The following SORCS2 variants were observed in gnomAD, a reference collection of about 807,000 sequenced individuals.
SORCS2 encodes sortilin related VPS10 domain containing receptor 2.
In SORCS2, 100 loss-of-function variants were observed where a neutral mutation model predicts 141.6. The ratio of observed to expected loss-of-function variants is 0.71; its 90% CI spans 0.60 to 0.83. SORCS2 has a LOEUF of 0.83. SORCS2 is among the 40% of genes least tolerant of loss of function. The probability of loss-of-function intolerance (pLI) is 0.00; values close to 1 mark genes in which losing one functional copy is unlikely to be tolerated. For missense variants in SORCS2, 1,646 were observed against 1,560.2 expected (o/e 1.05, Z -0.93); for synonymous variants, 789 against 676.9 (o/e 1.17, Z -2.57).
chr4:7,711,696 A>C (rs1430393456), intron 14 of SORCS2, among the ~76,000 whole-genome samples: 5 of 152,214 alleles, frequency 3.3e-5, no homozygotes, highest in Admixed American at 3.3e-4. Context: ...TGCTGACTGC[A>C]AGGAGGGAGA....
At position 7,615,767 on chromosome 4, in the gene SORCS2, AC is replaced by A. The variant is rs199636859; in HGVS notation, c.649-22560del. The stretch of plus-strand genomic sequence containing the variant: ...AGCTTCCCTCTTCACGGTGCTCATC[AC>A]TTAACAGTAGACAGCAAGGAGCCTC... On this transcript the variant is annotated intron_variant, in intron 3 of 26. Coordinates refer to ENST00000507866, the MANE Select transcript of SORCS2 (RefSeq NM_020777.3). Among the ~76,000 whole-genome samples, 443 of 137,972 alleles carry A rather than the reference AC, an allele frequency of 3.2e-3. 2 individuals carry two copies. Among genetic ancestry groups the A allele is most frequent in the African/African-American group, 0.012 (425 of 35,258 alleles). The allele number at this position is 137,972 out of a possible 152,430, so 90.5% of individuals were successfully genotyped here.
At chr4:7,289,850 A>G (rs1002021645) in intron 1 of SORCS2, among the ~76,000 whole-genome samples, 2 of 152,164 alleles carry the variant, frequency 1.3e-5, no homozygotes, top group African/African-American at 4.8e-5. Context: ...GAGACGCTGC[A>G]GGGCCTCCCC....
intron 3 of SORCS2, among the ~76,000 whole-genome samples, chr4:7,587,181 A>C (rs976777100): frequency 1.3e-5 from 2 of 151,942 alleles, no homozygotes; most frequent in Admixed American, 6.6e-5. Flanking sequence ...CAGTTGTCTG[A>C]TGTGGAGTTT....
intron 3 of SORCS2, among the ~76,000 whole-genome samples, chr4:7,621,415 TTGTGTG>T (rs59645194): frequency 1.3e-5 from 2 of 149,268 alleles, no homozygotes; most frequent in African/African-American, 2.5e-5. Flanking sequence ...GTGTGCATGT[TTGTGTG>T]TGTGTGTGAG....
intron 1 of SORCS2, among the ~76,000 whole-genome samples, chr4:7,216,221 C>T (rs1230584497): frequency 1.3e-5 from 2 of 152,164 alleles, no homozygotes; most frequent in East Asian, 3.9e-4. Flanking sequence ...TCAGTGAGAC[C>T]AAGAACCCAC....
intron 3 of SORCS2, among the ~76,000 whole-genome samples, chr4:7,562,875 A>G (rs1478916156): frequency 1.3e-5 from 2 of 152,190 alleles, no homozygotes; most frequent in Non-Finnish European, 2.9e-5. Context: ...CCTGCTTCTT[A>G]TAAGAACACA....
Position 7,714,299 on chromosome 4 carries a change from G to T in SORCS2, c.2049G>T (p.Trp683Cys). 4 of 1,604,862 alleles carry T rather than the reference G, an allele frequency of 2.5e-6. No homozygotes were observed. The highest frequency in any genetic ancestry group is 3.4e-6 in the Non-Finnish European group (4 of 1,175,736). Residue 683 changes from tryptophan (W) to cysteine (C), a missense_variant, in exon 16 of 27, where the codon TGG becomes TGT. By Grantham distance (215) the Trp-to-Cys change is radical. Coordinates refer to ENST00000507866, the MANE Select transcript of SORCS2 (RefSeq NM_020777.3). ...TCCGGAAAAGAAAGTCCACGTCCTG[G>T]TGCATCAAGGGGAGGAGCTTCACGT... is the stretch of plus-strand genomic sequence containing the variant. ...RSFRKRKSTSWCIKGRSFTSA... is the reference protein window; with the variant it reads ...RSFRKRKSTSCCIKGRSFTSA...
At chr4:7,737,320 GC>G in intron 26 of SORCS2, 148 bp downstream of exon 26, 1 of 1,119,086 alleles carries the variant, frequency 8.9e-7, no homozygotes, top group Non-Finnish European at 1.2e-6. Context: ...GGTCGGTCGG[GC>G]CCACTGTGTC....
intron 2 of SORCS2, among the ~76,000 whole-genome samples, chr4:7,501,548 C>T (rs921811919): frequency 1.3e-5 from 2 of 152,154 alleles, no homozygotes; most frequent in African/African-American, 4.8e-5. Context: ...AGCCTCCTGG[C>T]TTAGCACTTT....
At chr4:7,249,495 A>G (rs1420611952) in intron 1 of SORCS2, among the ~76,000 whole-genome samples, 2 of 152,168 alleles carry the variant, frequency 1.3e-5, no homozygotes, top group African/African-American at 4.8e-5. Flanking sequence ...GAGGGGACAT[A>G]TTCACCTTTT....
At chr4:7,238,347 T>C (rs999658342) in intron 1 of SORCS2, among the ~76,000 whole-genome samples, 1 of 152,216 alleles carries the variant, frequency 6.6e-6, no homozygotes, top group African/African-American at 2.4e-5. Flanking sequence ...TGCTTTTTGC[T>C]GTGCAGAAAG....
At chr4:7,526,699 C>T (rs1560357349) in intron 2 of SORCS2, among the ~76,000 whole-genome samples, 1 of 152,174 alleles carries the variant, frequency 6.6e-6, no homozygotes, top group Non-Finnish European at 1.5e-5. Flanking sequence ...GGCGGCCTCC[C>T]TCACTGATTG....
At chr4:7,314,138 C>G (rs1718382746) in intron 1 of SORCS2, among the ~76,000 whole-genome samples, 1 of 152,136 alleles carries the variant, frequency 6.6e-6, no homozygotes, top group South Asian at 2.1e-4. Flanking sequence ...TCCTCCCTGC[C>G]TCTGTGCCGT....
chr4:7,254,619 G>T (rs1449561830), intron 1 of SORCS2, among the ~76,000 whole-genome samples: 1 of 152,144 alleles, frequency 6.6e-6, no homozygotes, highest in Non-Finnish European at 1.5e-5. Context: ...TAACAAAATT[G>T]CACATGTGCC....
intron 1 of SORCS2, among the ~76,000 whole-genome samples, chr4:7,372,864 G>T (rs910978155): frequency 1.3e-5 from 2 of 152,096 alleles, no homozygotes; most frequent in African/African-American, 2.4e-5. Context: ...CCGCAGTCCT[G>T]TTGTGATTTG....
rs1560115712 is a variant in SORCS2 at position 7,725,301 on chromosome 4, G to A, written c.2745+14G>A. ...CACAGCCTGCAGGTGCGCTGGCTTT[G>A]CCCCAACTCAGCCCTTCTTCCCGCA... On this transcript the variant is annotated intron_variant, in intron 20 of 26. Transcript: ENST00000507866. 5.0e-6 allele frequency: 8 copies of A among 1,610,002 alleles called. No homozygotes were observed. The highest frequency in any genetic ancestry group is 6.8e-6 in the Non-Finnish European group (8 of 1,178,230).
chr4:7,415,628 T>A (rs1725616381), intron 2 of SORCS2, among the ~76,000 whole-genome samples: 1 of 152,256 alleles, frequency 6.6e-6, no homozygotes, highest in Admixed American at 6.5e-5. Flanking sequence ...CATTAGGATG[T>A]GGACCTGTTT....
At chr4:7,508,406 A>G (rs1288605692) in intron 2 of SORCS2, among the ~76,000 whole-genome samples, 1 of 138,668 alleles carries the variant, frequency 7.2e-6, no homozygotes, top group South Asian at 2.3e-4. Context: ...GCTGGAGTAC[A>G]GTGGCATGAT....
intron 2 of SORCS2, among the ~76,000 whole-genome samples, chr4:7,491,933 C>T (rs1324969384): frequency 6.6e-6 from 1 of 152,116 alleles, no homozygotes; most frequent in Non-Finnish European, 1.5e-5. Flanking sequence ...CAGTGCAGTG[C>T]CTGAGCACCA....
Sources: allele counts gnomAD v4.1 joint callset (sites outside exome capture counted in the v4.1 genomes callset), GRCh38; gene constraint gnomAD v4.1.1; transcripts MANE v1.5; gene names NCBI Gene and HGNC (gene_info 2026-07-23, HGNC 2026-07-21).